PRKG1: variants seen among roughly 807,000 people sequenced by gnomAD.
PRKG1 encodes cGMP-dependent protein kinase 1.
In PRKG1, 35 loss-of-function variants were observed where a neutral mutation model predicts 88.1. That is an observed-to-expected ratio of 0.40 (90% confidence interval 0.30 to 0.53). The LOEUF (loss-of-function observed/expected upper bound fraction) is 0.53, where lower values mean the gene tolerates loss of function less well. Among genes scored for constraint, PRKG1 ranks in the 20% least tolerant of loss-of-function variants. PRKG1 has a pLI of 0.59. For synonymous variants in PRKG1, 303 were observed against 292.5 expected (o/e 1.04, Z -0.37); for missense variants, 540 against 839.8 (o/e 0.64, Z 4.41).
At chr10:51,830,852 G>A (rs896730457) in intron 4 of PRKG1, among the ~76,000 whole-genome samples, 27 of 151,922 alleles carry the variant, frequency 1.8e-4, no homozygotes, top group African/African-American at 1.4e-4. Flanking sequence ...GTTAGCCACC[G>A]CACCCTGCCT....
At chr10:52,227,243 C>A (rs1333547469) in intron 9 of PRKG1, among the ~76,000 whole-genome samples, 1 of 152,054 alleles carries the variant, frequency 6.6e-6, no homozygotes, top group East Asian at 1.9e-4. Flanking sequence ...AACAGTGGCA[C>A]CATCTAAGAT....
intron 2 of PRKG1, among the ~76,000 whole-genome samples, chr10:51,402,367 T>C (rs1837773405): frequency 6.6e-6 from 1 of 152,128 alleles, no homozygotes; most frequent in Non-Finnish European, 1.5e-5. Flanking sequence ...TATATAAAGG[T>C]CACACATTCA....
intron 3 of PRKG1, among the ~76,000 whole-genome samples, chr10:51,701,580 G>A (rs1045363214): frequency 9.9e-5 from 15 of 151,990 alleles, no homozygotes; most frequent in African/African-American, 2.7e-4. Context: ...GAAAGGGGAG[G>A]GGTTAAGGAT....
At chr10:52,061,756 A>G (rs1480471000) in intron 6 of PRKG1, among the ~76,000 whole-genome samples, 4 of 152,114 alleles carry the variant, frequency 2.6e-5, no homozygotes, top group Admixed American at 1.3e-4. Context: ...TGTAATTTAT[A>G]TATCTTTAGA....
intron 3 of PRKG1, among the ~76,000 whole-genome samples, chr10:51,527,249 A>T (rs1841905566): frequency 6.6e-6 from 1 of 152,084 alleles, no homozygotes. Context: ...ATAAAGGAGC[A>T]AACATTCTAT....
At chr10:51,947,581 G>A (rs1843079231) in intron 5 of PRKG1, among the ~76,000 whole-genome samples, 1 of 152,172 alleles carries the variant, frequency 6.6e-6, no homozygotes, top group African/African-American at 2.4e-5. Flanking sequence ...CTGTAGACGG[G>A]AGCTGTTCCT....
chr10:51,967,084 G>C (rs2447652), intron 5 of PRKG1, among the ~76,000 whole-genome samples: 84,489 of 151,942 alleles, frequency 0.56, 23,958 homozygotes, highest in African/African-American at 0.61. Context: ...GATTATAAAT[G>C]TTGCTGCTAT....
intron 5 of PRKG1, among the ~76,000 whole-genome samples, chr10:51,953,037 A>G (rs1305134720): frequency 6.6e-6 from 1 of 152,190 alleles, no homozygotes; most frequent in African/African-American, 2.4e-5. Flanking sequence ...TCAAATGCAT[A>G]CATTTTGTAA....
chr10:51,814,546 G>A (rs1839538102), intron 4 of PRKG1, among the ~76,000 whole-genome samples: 2 of 152,070 alleles, frequency 1.3e-5, no homozygotes, highest in Non-Finnish European at 1.5e-5. Flanking sequence ...TTAGAATTAA[G>A]CTTGACAAAG....
chr10:51,782,810 A>C (rs1042559020), intron 3 of PRKG1, among the ~76,000 whole-genome samples: 1 of 152,038 alleles, frequency 6.6e-6, no homozygotes, highest in African/African-American at 2.4e-5. Context: ...TTCTGCCATG[A>C]TTGTGGGCCT....
intron 4 of PRKG1, among the ~76,000 whole-genome samples, chr10:51,831,485 A>T (rs552245539): frequency 2.0e-5 from 3 of 152,224 alleles, no homozygotes; most frequent in African/African-American, 7.2e-5. Flanking sequence ...TAAGAGGAAA[A>T]CAATAAAACA....
At chr10:51,870,802 A>G (rs1287498215) in intron 4 of PRKG1, among the ~76,000 whole-genome samples, 1 of 152,110 alleles carries the variant, frequency 6.6e-6, no homozygotes, top group African/African-American at 2.4e-5. Context: ...TTTCTGTGGT[A>G]TAAATATCTA....
intron 2 of PRKG1, among the ~76,000 whole-genome samples, chr10:51,431,159 G>A (rs1245852977): frequency 6.6e-6 from 1 of 152,200 alleles, no homozygotes; most frequent in Non-Finnish European, 1.5e-5. Context: ...AACTGCTTTG[G>A]ACAATGGCAT....
intron 5 of PRKG1, among the ~76,000 whole-genome samples, chr10:51,963,577 C>T (rs1843497399): frequency 6.6e-6 from 1 of 152,006 alleles, no homozygotes; most frequent in Non-Finnish European, 1.5e-5. Context: ...CTTCCTGCCT[C>T]AGCCACCCGA....
intron 3 of PRKG1, among the ~76,000 whole-genome samples, chr10:51,712,646 G>A (rs554531420): frequency 2.2e-5 from 3 of 136,946 alleles, no homozygotes; most frequent in East Asian, 4.3e-4. Context: ...CTGGAGTGCA[G>A]TGGCGCAGTC....
chr10:51,328,584 T>C (rs181551462), intron 2 of PRKG1, among the ~76,000 whole-genome samples: 3 of 152,222 alleles, frequency 2.0e-5, no homozygotes, highest in Middle Eastern at 3.2e-3. Flanking sequence ...GAAGAAACTT[T>C]ATACTGTTTT....
intron 2 of PRKG1, among the ~76,000 whole-genome samples, chr10:51,295,552 T>C (rs1840697750): frequency 6.6e-6 from 1 of 152,174 alleles, no homozygotes; most frequent in South Asian, 2.1e-4. Flanking sequence ...TAGAGTTTTC[T>C]ACATATATGA....
chr10:51,896,431 T>C (rs1260438860), intron 4 of PRKG1, among the ~76,000 whole-genome samples: 2 of 151,792 alleles, frequency 1.3e-5, no homozygotes, highest in Non-Finnish European at 2.9e-5. Flanking sequence ...ATCTGAGGCC[T>C]GGCATGGTGG....
intron 3 of PRKG1, among the ~76,000 whole-genome samples, chr10:51,629,411 A>G (rs1839467301): frequency 6.6e-6 from 1 of 151,866 alleles, no homozygotes; most frequent in Non-Finnish European, 1.5e-5. Context: ...ATGTAGAATC[A>G]CTGGGAGCTC....
Sources: allele counts gnomAD v4.1 joint callset (sites outside exome capture counted in the v4.1 genomes callset), GRCh38; gene constraint gnomAD v4.1.1; transcripts MANE v1.5; gene names NCBI Gene and HGNC (gene_info 2026-07-23, HGNC 2026-07-21).